Variants in IKZF2 observed in about 807,000 individuals in gnomAD.
IKZF2 encodes zinc finger protein Helios.
A neutral mutation model predicts 49.2 loss-of-function variants in IKZF2; 15 were observed. The ratio of observed to expected loss-of-function variants is 0.30; its 90% CI spans 0.20 to 0.47. The LOEUF is 0.47. IKZF2 is among the 20% of genes least tolerant of loss of function. The probability of loss-of-function intolerance (pLI) is 1.00; values close to 1 mark genes in which losing one functional copy is unlikely to be tolerated. For missense variants in IKZF2, 567 were observed against 664.6 expected (o/e 0.85, Z 1.61); for synonymous variants, 227 against 221.4 (o/e 1.03, Z -0.23).
intron 4 of IKZF2, among the ~76,000 whole-genome samples, chr2:213,094,411 A>G (rs1705715955): frequency 6.6e-6 from 1 of 152,128 alleles, no homozygotes. Context: ...AGCAAGAGAG[A>G]GCTGGCAAGA....
intron 7 of IKZF2, among the ~76,000 whole-genome samples, chr2:213,018,399 CTTTTCTAA>C (rs1343861923): frequency 2.0e-5 from 3 of 152,096 alleles, no homozygotes; most frequent in African/African-American, 7.2e-5. Context: ...ACTCAATCAA[CTTTTCTAA>C]GACCATTTTA....
chr2:213,003,454 A>G lies in IKZF2; in HGVS notation c.*3906T>C, dbSNP rs556982446. The G allele has an allele frequency of 6.6e-6, 1 of 151,812 alleles. No individual in the cohort carries two copies. Among genetic ancestry groups the G allele is most frequent in the Non-Finnish European group, 1.5e-5 (1 of 67,702 alleles). The allele number at this position is 151,812 out of a possible 1,614,324, so 9.4% of individuals were successfully genotyped here. A position where few individuals can be genotyped will look rare whatever the true frequency, so the allele number is the denominator to read the frequency against. On this transcript the variant is annotated 3_prime_UTR_variant, in exon 9 of 9. Coordinates refer to ENST00000434687, the MANE Select transcript of IKZF2 (RefSeq NM_001387220.1). ...ACATAAAATGCAACTGATGATAAAC[A>G]CAAATGTAATTTATCCATTTTTGGA...
At chr2:213,079,440 G>T (rs934349660) in intron 4 of IKZF2, among the ~76,000 whole-genome samples, 7 of 106,542 alleles carry the variant, frequency 6.6e-5, no homozygotes, top group African/African-American at 1.6e-4. Flanking sequence ...AGGAAGGAAA[G>T]GAGGGAGGGA....
At chr2:213,119,839 A>G (rs1366134345) in intron 4 of IKZF2, among the ~76,000 whole-genome samples, 1 of 152,176 alleles carries the variant, frequency 6.6e-6, no homozygotes, top group East Asian at 1.9e-4. Context: ...ATCTTGAAGG[A>G]GAAGAAAAAT....
Position 213,008,093 on chromosome 2 carries a change from G to A in IKZF2, c.857-9C>T, listed in dbSNP as rs747406109. On this transcript the variant is annotated splice_polypyrimidine_tract_variant and intron_variant, in intron 8 of 8. Coordinates refer to ENST00000434687, the MANE Select transcript of IKZF2 (RefSeq NM_001387220.1). ...TCGCATGAGCTTTTCCCCTGGAAGG[G>A]AGTGGGAGGTGAAAGAAGTAAAAAA... 3 of 1,557,402 alleles carry A rather than the reference G, an allele frequency of 1.9e-6. No homozygotes were observed. Among genetic ancestry groups the A allele is most frequent in the Non-Finnish European group, 2.6e-6 (3 of 1,156,724 alleles).
At chr2:213,025,037 T>G (rs1697670331) in intron 6 of IKZF2, among the ~76,000 whole-genome samples, 1 of 152,124 alleles carries the variant, frequency 6.6e-6, no homozygotes, top group South Asian at 2.1e-4. Context: ...TCTGCTATTA[T>G]TGAAACATTT....
At chr2:213,106,913 A>C (rs1249225797) in intron 4 of IKZF2, among the ~76,000 whole-genome samples, 4 of 152,190 alleles carry the variant, frequency 2.6e-5, no homozygotes, top group Non-Finnish European at 5.9e-5. Flanking sequence ...AAGTCAAAAA[A>C]ATTTTAATTT....
At chr2:213,083,996 T>G (rs550416781) in intron 4 of IKZF2, among the ~76,000 whole-genome samples, 2 of 152,188 alleles carry the variant, frequency 1.3e-5, no homozygotes, top group East Asian at 3.9e-4. Context: ...GTGGAAAAAT[T>G]GTCTTCCACA....
intron 4 of IKZF2, among the ~76,000 whole-genome samples, chr2:213,065,846 A>G (rs1370180971): frequency 6.6e-6 from 1 of 152,094 alleles, no homozygotes; most frequent in Admixed American, 6.6e-5. Flanking sequence ...ACAGATGTCA[A>G]TATGTTAAAG....
chr2:213,001,373 A>G lies in IKZF2; in HGVS notation c.*5987T>C, dbSNP rs1042706447. Reference sequence around the variant, plus strand: ...GCAAATAACTGTCTAGTCTTTCATGATATACATTTTTTGGAGGAAAGCCAA... The same window carrying G: ...GCAAATAACTGTCTAGTCTTTCATGGTATACATTTTTTGGAGGAAAGCCAA... On this transcript the variant is annotated 3_prime_UTR_variant, in exon 9 of 9. Transcript: ENST00000434687. 6.6e-6 allele frequency: 1 copy of G among 151,996 alleles called. No individual in the cohort carries two copies. The highest frequency in any genetic ancestry group is 1.5e-5 in the Non-Finnish European group (1 of 67,620). The allele number at this position is 151,996 out of a possible 1,614,324, so 9.4% of individuals were successfully genotyped here. A position where few individuals can be genotyped will look rare whatever the true frequency, so the allele number is the denominator to read the frequency against.
Position 213,085,239 on chromosome 2 carries a change from T to C in IKZF2, c.140-28140A>G, listed in dbSNP as rs75189596. Reference sequence around the variant, plus strand: ...ATCGAAAGGTGAGCTCCTTCTTTTATTAAAAGGCACTAAAGAGCAATTAAA... The same window carrying C: ...ATCGAAAGGTGAGCTCCTTCTTTTACTAAAAGGCACTAAAGAGCAATTAAA... On this transcript the variant is annotated intron_variant, in intron 4 of 8. Coordinates refer to ENST00000434687, the MANE Select transcript of IKZF2 (RefSeq NM_001387220.1). Among the ~76,000 whole-genome samples, 10 of 152,350 alleles carry C rather than the reference T, an allele frequency of 6.6e-5. No homozygotes were observed. In the East Asian group the frequency reaches 1.9e-3, roughly 29 times the overall value.
chr2:213,148,104 A>T (rs754105799), intron 3 of IKZF2, among the ~76,000 whole-genome samples: 7 of 152,216 alleles, frequency 4.6e-5, no homozygotes, highest in Non-Finnish European at 7.3e-5. Flanking sequence ...TTCTTTTAAC[A>T]TCTAATTTAA....
chr2:213,038,555 T>C (rs757627101), intron 6 of IKZF2, among the ~76,000 whole-genome samples: 15 of 151,404 alleles, frequency 9.9e-5, no homozygotes, highest in Non-Finnish European at 1.5e-4. Context: ...GAAGAAGTTA[T>C]TTATGTACTT....
In IKZF2 at chr2:213,134,913, T is replaced by G. The variant is rs193250170; in HGVS notation, c.139+12795A>C. On this transcript the variant is annotated intron_variant, in intron 4 of 8. Transcript: ENST00000434687. ...ACTAACTCAAGTGGAGTCTGTGGCT[T>G]GTCCTCCACTTCTGAATCTGTTATT... 2.5e-3 allele frequency among the ~76,000 whole-genome samples: 388 copies of G among 152,346 alleles called. 1 individual carries two copies. The highest frequency in any genetic ancestry group is 8.9e-3 in the African/African-American group (372 of 41,580).
chr2:213,037,480 GGGGGAAAGAGGC>G (rs2125236239), intron 6 of IKZF2, among the ~76,000 whole-genome samples: 1 of 152,278 alleles, frequency 6.6e-6, no homozygotes, highest in East Asian at 1.9e-4. Flanking sequence ...GTCTGGGGTA[GGGGGAAAGAGGC>G]GTTCTACCTG....
Position 213,057,094 on chromosome 2 carries a change from A to T in IKZF2, c.145T>A (p.Ser49Thr). The change falls in exon 5 of 9, where the codon TCA becomes ACA. Residue 49 changes from serine to threonine, a missense_variant. Around this residue, in one of 5 missense-constraint regions of IKZF2, gnomAD observed 156 missense variants for 138.5 expected, o/e 1.13. Coordinates refer to ENST00000434687, the MANE Select transcript of IKZF2 (RefSeq NM_001387220.1). ...TCACTCTGCATTTCTAGCTTTACTG[A>T]ATTTGCTGTAATTTGAAAAGAAGAA... is the stretch of plus-strand genomic sequence containing the variant. The part of the protein sequence containing the change: ...ASPSHMTSTN[S>T]VKLEMQSDEE... 1 of 1,608,890 alleles carries T rather than the reference A, an allele frequency of 6.2e-7. No homozygotes were observed. The highest frequency in any genetic ancestry group is 8.5e-7 in the Non-Finnish European group (1 of 1,178,108).
chr2:213,021,470 G>A (rs373844208), intron 7 of IKZF2: 36 of 216,302 alleles, frequency 1.7e-4, no homozygotes, highest in East Asian at 1.2e-3. Flanking sequence ...CCTACCTGCC[G>A]TAGTGTATTT....
chr2:213,010,646 G>C (rs1695845040), intron 8 of IKZF2, among the ~76,000 whole-genome samples: 1 of 152,106 alleles, frequency 6.6e-6, no homozygotes. Context: ...AAAGAACCTG[G>C]ATATGCAGGC....
At chr2:213,021,932 TCATG>T in intron 7 of IKZF2, 57 bp downstream of exon 7, 1 of 1,529,820 alleles carries the variant, frequency 6.5e-7, no homozygotes, top group Non-Finnish European at 8.8e-7. Context: ...GATTTTATCT[TCATG>T]TTGAACTACA....
Sources: allele counts gnomAD v4.1 joint callset (sites outside exome capture counted in the v4.1 genomes callset), GRCh38; gene constraint gnomAD v4.1.1; regional missense constraint gnomAD v4.1.1; transcripts MANE v1.5; gene names NCBI Gene and HGNC (gene_info 2026-07-23, HGNC 2026-07-21).